CRELD1: variants seen among roughly 807,000 people sequenced by gnomAD.
CRELD1 encodes the protein CRELD disulfide isomerase 1, also known as protein disulfide isomerase CRELD1.
In CRELD1, 42 loss-of-function variants were observed where a neutral mutation model predicts 58.2. That is an observed-to-expected ratio of 0.72 (90% CI 0.56 to 0.93). CRELD1 has a LOEUF of 0.93. Ranked by LOEUF, CRELD1 falls within the 40% of genes least tolerant of loss-of-function variation. The pLI, the probability that CRELD1 is intolerant of heterozygous loss-of-function variation, is 0.00. For synonymous variants in CRELD1, 222 were observed against 202.0 expected, an observed-to-expected ratio of 1.10 and a Z score of -0.84; for missense variants, 500 against 540.6, an observed-to-expected ratio of 0.92 and a Z score of 0.74.
intron 9 of CRELD1, 58 bp from the exon 10 acceptor site, chr3:9,943,323 G>A: frequency 2.5e-6 from 4 of 1,613,174 alleles, no homozygotes; most frequent in Non-Finnish European, 3.4e-6. Flanking sequence ...GGACAAGATG[G>A]AGTCAGGGTG....
intron 3 of CRELD1, chr3:9,936,106 G>A (rs1382044722): frequency 2.0e-5 from 3 of 152,232 alleles, no homozygotes; most frequent in Non-Finnish European, 4.4e-5. Flanking sequence ...AAGGCTCAGA[G>A]TTAGACCTGG....
rs375904363 is a variant in CRELD1, at chr3:9,944,285, T to C, written c.1049-80T>C. The C allele has an allele frequency of 1.4e-4, 177 of 1,254,904 alleles. 2 individuals carry two copies. Among genetic ancestry groups the C allele is most frequent in the South Asian group, 1.2e-3 (101 of 83,528 alleles). 77.7% of individuals were successfully genotyped at this position (1,254,904 alleles called of 1,614,324 possible). On this transcript the variant is annotated intron_variant, in intron 10 of 10. Transcript: ENST00000452070. ...GCCTGGTGGCCATGATGATCAGGTG[T>C]GTGGGAGTTCTGGGGAGACTCCAAG...
Position 9,941,200 on chromosome 3 carries a change from T to C in CRELD1, c.727T>C (p.Cys243Arg). ...KKGWALHHLK[C>R]VDIDECGTEG... ...GGGCTGGGCCCTGCATCACCTCAAG[T>C]GTGTAGGTAAGTGGGGCCCTAGCTA... The change falls in exon 7 of 11, where the codon TGT becomes CGT. Residue 243 changes from cysteine (C) to arginine (R), a missense_variant. Physicochemically the swap from Cys to Arg is radical, Grantham distance 180 (BLOSUM62 -3). Transcript: ENST00000452070. 1 of 1,612,806 alleles carries C rather than the reference T, an allele frequency of 6.2e-7. No homozygotes were observed. Among genetic ancestry groups the C allele is most frequent in the East Asian group, 2.2e-5 (1 of 44,822 alleles).
At chr3:9,943,041 G>A in intron 8 of CRELD1, 36 bp from the exon 9 acceptor site, 1 of 1,599,834 alleles carries the variant, frequency 6.3e-7, no homozygotes, top group African/African-American at 1.3e-5. Context: ...GGGCCTAGGT[G>A]CACATCTCAC....
chr3:9,941,302 C>A, intron 7 of CRELD1, 96 bp downstream of exon 7: 1 of 1,082,630 alleles, frequency 9.2e-7, no homozygotes, highest in Non-Finnish European at 1.3e-6. Flanking sequence ...CTAGCCTAGT[C>A]TCCACCTTCA....
At position 9,942,797 on chromosome 3, in the gene CRELD1, G is replaced by T. The variant is rs377552878; in HGVS notation, c.734-16G>T. On this transcript the variant is annotated splice_polypyrimidine_tract_variant and intron_variant, in intron 7 of 10. Coordinates refer to ENST00000452070, the MANE Select transcript of CRELD1 (RefSeq NM_001077415.3). ...AAATAGGGATTGAAATTCTCACCCT[G>T]CTCACCTCTCTGCAGACATTGATGA... is the stretch of plus-strand genomic sequence containing the variant. The T allele has an allele frequency of 9.6e-5, 155 of 1,608,694 alleles. No individual in the cohort carries two copies. The highest frequency in any genetic ancestry group is 1.3e-4 in the Non-Finnish European group (152 of 1,175,168).
At chr3:9,938,136 G>A in intron 5 of CRELD1, 30 bp downstream of exon 5, 1 of 1,539,756 alleles carries the variant, frequency 6.5e-7, no homozygotes, top group Non-Finnish European at 8.9e-7. Flanking sequence ...TTGGGGATGG[G>A]AGGGGACCAC....
intron 1 of CRELD1, 36 bp from the exon 2 acceptor site, chr3:9,934,384 C>A: frequency 6.7e-7 from 1 of 1,494,996 alleles, no homozygotes; most frequent in South Asian, 1.1e-5. Context: ...GGGCCTGACT[C>A]CTTCAGTGAA....
chr3:9,940,757 AGGCAAG>A (rs1274227381), intron 5 of CRELD1, 87 bp from the exon 6 acceptor site: 15 of 685,474 alleles, frequency 2.2e-5, no homozygotes, highest in Non-Finnish European at 3.3e-5. Context: ...GAGGGAGGGA[AGGCAAG>A]GGAGAGGGAG....
chr3:9,934,280 G>A, intron 1 of CRELD1, 140 bp from the exon 2 acceptor site: 1 of 676,374 alleles, frequency 1.5e-6, no homozygotes, highest in South Asian at 1.6e-5. Flanking sequence ...CATCCCCACA[G>A]CCCCTGCAAT....
intron 10 of CRELD1, 95 bp from the exon 11 acceptor site, chr3:9,944,270 C>T: frequency 8.7e-7 from 1 of 1,150,300 alleles, no homozygotes; most frequent in Non-Finnish European, 1.3e-6. Context: ...GCCTGGTGGC[C>T]ATGATGATCA....
At position 9,934,569 on chromosome 3, in the gene CRELD1, A is replaced by C; in HGVS notation, c.131A>C (p.His44Pro). 6.2e-7 allele frequency: 1 copy of C among 1,613,904 alleles called. No individual in the cohort carries two copies. The highest frequency in any genetic ancestry group is 8.5e-7 in the Non-Finnish European group (1 of 1,179,942). Reference protein sequence around the residue: ...PPQSSPPPQPHPCHTCRGLVD... With the variant: ...PPQSSPPPQPPPCHTCRGLVD... ...CAGTCTTCTCCCCCGCCTCAGCCCC[A>C]TCCGTGTCATACCTGCCGGGGACTG... The change falls in exon 2 of 11, where the codon CAT (histidine) becomes CCT (proline). Residue 44 changes from histidine (H) to proline (P), a missense_variant. His to Pro is a moderately conservative substitution (Grantham distance 77). Transcript: ENST00000452070.
intron 1 of CRELD1, 179 bp downstream of exon 1, chr3:9,934,099 C>G: frequency 2.5e-6 from 1 of 404,248 alleles, no homozygotes; most frequent in Non-Finnish European, 4.6e-6. Context: ...AATCTGATCT[C>G]TTCTCCCTAA....
chr3:9,943,739 T>C, intron 10 of CRELD1: 2 of 985,402 alleles, frequency 2.0e-6, no homozygotes, highest in Non-Finnish European at 1.2e-6. Context: ...ATCAAATCAG[T>C]CTGCCTCCTT....
Position 9,940,898 on chromosome 3 carries a change from AAGG to A in CRELD1, c.512_514del (p.Gly171del). On this transcript the variant is annotated inframe_deletion, in exon 6 of 11. Transcript: ENST00000452070. Reference sequence around the variant, plus strand: ...CCCTGCGGTGGCTACGGGCAGTGTGAAGGAGAAGGGACACGAGGGGGCAGCGGG... The same window carrying A: ...CCCTGCGGTGGCTACGGGCAGTGTGAAGAAGGGACACGAGGGGGCAGCGGG... 3 of 1,614,000 alleles carry A rather than the reference AAGG, an allele frequency of 1.9e-6. No individual in the cohort carries two copies. The highest frequency in any genetic ancestry group is 2.5e-6 in the Non-Finnish European group (3 of 1,179,982).
In CRELD1 at chr3:9,943,216, A is replaced by T. The variant is rs374104985; in HGVS notation, c.913+44A>T. On this transcript the variant is annotated intron_variant, in intron 9 of 10. Transcript: ENST00000452070. The stretch of plus-strand genomic sequence containing the variant: ...GGACACAGGCACCTGGGAGTGCCTC[A>T]CCCAGCATGAATGGTGAAGAGGCTG... The T allele has an allele frequency of 2.6e-5, 41 of 1,583,978 alleles. No individual in the cohort carries two copies. In the African/African-American group the frequency reaches 4.6e-4, roughly 18 times the overall value.
chr3:9,944,261 C>A (rs76189457), intron 10 of CRELD1, 104 bp from the exon 11 acceptor site: 5 of 1,061,812 alleles, frequency 4.7e-6, no homozygotes, highest in African/African-American at 3.1e-5. Flanking sequence ...GCTGGGCAGG[C>A]CTGGTGGCCA....
chr3:9,938,250 C>A, intron 5 of CRELD1, 144 bp downstream of exon 5: 1 of 702,058 alleles, frequency 1.4e-6, no homozygotes, highest in Non-Finnish European at 2.5e-6. Flanking sequence ...CCTGACAGGG[C>A]TGGGGAGATG....
chr3:9,941,254 C>T lies in CRELD1; in HGVS notation c.733+48C>T, dbSNP rs368381392. ...CTGGGAAGATGGTCAGGGGCCTGGGCTTGGTCCTTTATTCTCTCAACACAA... is the reference window on the plus strand; with the variant it reads ...CTGGGAAGATGGTCAGGGGCCTGGGTTTGGTCCTTTATTCTCTCAACACAA... On this transcript the variant is annotated intron_variant, in intron 7 of 10. Transcript: ENST00000452070. 6 of 1,534,630 alleles carry T rather than the reference C, an allele frequency of 3.9e-6. No homozygotes were observed. In the African/African-American group the frequency reaches 4.1e-5, roughly 10 times the overall value.
Sources: allele counts gnomAD v4.1 joint callset, GRCh38; gene constraint gnomAD v4.1.1; transcripts MANE v1.5; gene names NCBI Gene and HGNC (gene_info 2026-07-23, HGNC 2026-07-21).